The following MYBPC3 variants were observed in gnomAD, a reference collection of about 807,000 sequenced individuals.
MYBPC3 encodes the protein myosin-binding protein C, cardiac-type.
Under a neutral mutation model 159.3 loss-of-function variants are expected in MYBPC3, and 108 were observed. That is an observed-to-expected ratio of 0.68 (90% confidence interval 0.58 to 0.80). The LOEUF is 0.80. Among genes scored for constraint, MYBPC3 ranks in the 30% least tolerant of loss-of-function variants. The pLI is 0.00. For synonymous variants in MYBPC3, 730 were observed against 702.0 expected, an observed-to-expected ratio of 1.04 and a Z score of -0.63; for missense variants, 1,631 against 1,762.1, an observed-to-expected ratio of 0.93 and a Z score of 1.33.
chr11:47,340,490 C>T (rs1470148558), intron 20 of MYBPC3, among the ~76,000 whole-genome samples: 1 of 152,088 alleles, frequency 6.6e-6, no homozygotes, highest in Non-Finnish European at 1.5e-5. Flanking sequence ...TGGTGAAACC[C>T]CGTCTCTACT....
In MYBPC3 at chr11:47,339,358, G is replaced by A; in HGVS notation, c.2114C>T (p.Thr705Ile). Residue 705 changes from threonine (T) to isoleucine (I), a missense_variant, in exon 22 of 35, where the codon ACA becomes ATA. Physicochemically the swap from Thr to Ile is moderately conservative, Grantham distance 89. Transcript: ENST00000545968. ...ARPAPDAPED[T>I]GDSDEWVFDK... ...AAACACCCACTCATCGCTGTCACCTGTGTCCTCTGGGGCATCTGGGGCTGG... is the reference window on the plus strand; with the variant it reads ...AAACACCCACTCATCGCTGTCACCTATGTCCTCTGGGGCATCTGGGGCTGG... The A allele has an allele frequency of 3.1e-6, 5 of 1,614,070 alleles. No homozygotes were observed. The highest frequency in any genetic ancestry group is 4.2e-6 in the Non-Finnish European group (5 of 1,179,892).
intron 30 of MYBPC3, 28 bp from the exon 31 acceptor site, chr11:47,333,001 C>A (rs770692976): frequency 6.3e-7 from 1 of 1,598,026 alleles, no homozygotes; most frequent in Non-Finnish European, 8.5e-7. Context: ...GGGGAGGCAT[C>A]TCTGGGCCAG....
Position 47,332,855 on chromosome 11 carries a change from C to G in MYBPC3, c.3449G>C (p.Arg1150Thr), listed in dbSNP as rs746613719. The change falls in exon 31 of 35, where the codon AGA (arginine) becomes ACA (threonine). Residue 1150 changes from arginine to threonine, a missense_variant. Arg to Thr is a moderately conservative substitution (Grantham distance 71, BLOSUM62 -1). Transcript: ENST00000545968. This position sits in a 1 kb window ranked among gnomAD's most constrained non-coding sequence, Gnocchi z 4.2. ...GACGGGCTCCTTGGTGGTGGCCGCTCTGTCACTAAAGCCAACCATATTCTG... is the reference window on the plus strand; with the variant it reads ...GACGGGCTCCTTGGTGGTGGCCGCTGTGTCACTAAAGCCAACCATATTCTG... ...FSQNMVGFSD[R>T]AATTKEPVFI... is the part of the protein sequence containing the mutation. 1.2e-6 allele frequency: 2 copies of G among 1,607,468 alleles called. No homozygotes were observed. The highest frequency in any genetic ancestry group is 1.7e-6 in the Non-Finnish European group (2 of 1,177,138).
At position 47,337,722 on chromosome 11, in the gene MYBPC3, G is replaced by A. The variant is rs730880565; in HGVS notation, c.2381C>T (p.Pro794Leu). ...GGGCTGCCCGCCATCGTAGGCAGGC[G>A]GCTCCCACTGTACTGTGCAGGAGTC... ...GEDSCTVQWE[P>L]PAYDGGQPIL... is the part of the protein sequence containing the mutation. The change falls in exon 24 of 35, where the codon CCG becomes CTG. Residue 794 changes from proline to leucine, a missense_variant. By Grantham distance (98) the Pro-to-Leu change is moderately conservative. Coordinates refer to ENST00000545968, the MANE Select transcript of MYBPC3 (RefSeq NM_000256.3). 8.0e-5 allele frequency: 126 copies of A among 1,566,584 alleles called. 1 individual carries two copies. The South Asian group carries it at 9.6e-4, about 12-fold the overall frequency.
Position 47,351,189 on chromosome 11 carries a change from G to T in MYBPC3, c.292+50C>A. The T allele has an allele frequency of 3.5e-6, 5 of 1,449,088 alleles. No homozygotes were observed. Among genetic ancestry groups the T allele is most frequent in the Non-Finnish European group, 3.7e-6 (4 of 1,087,840 alleles). The allele number at this position is 1,449,088 out of a possible 1,614,324, so 89.8% of individuals were successfully genotyped here. A position where few individuals can be genotyped will look rare whatever the true frequency, so the allele number is the denominator to read the frequency against. On this transcript the variant is annotated intron_variant, in intron 2 of 34. Transcript: ENST00000545968. The surrounding 1 kb of genome is among the most constrained non-coding windows in gnomAD (Gnocchi z 4.2). ...TGGATGGATGGAGAGTCGCTGGGCT[G>T]CCCCTCCCCCAGCAGCCCAAACCTC... is the stretch of plus-strand genomic sequence containing the variant.
rs876657870 is a variant in MYBPC3, at chr11:47,337,537, A to G, written c.2456T>C (p.Met819Thr). 6.2e-6 allele frequency: 10 copies of G among 1,613,980 alleles called. No homozygotes were observed. Among genetic ancestry groups the G allele is most frequent in the Non-Finnish European group, 8.5e-6 (10 of 1,179,892 alleles). ...CTGAATCAGGTCGAAGTTCAGCCGC[A>G]TCCACCGGTAGCTCTTCTTCTTCTT... Reference protein sequence around the residue: ...ERKKKKSYRWMRLNFDLIQEL... With the variant: ...ERKKKKSYRWTRLNFDLIQEL... The change falls in exon 25 of 35, where the codon ATG becomes ACG. Residue 819 changes from methionine (M) to threonine (T), a missense_variant. Met to Thr is a moderately conservative substitution (Grantham distance 81, BLOSUM62 -1). Transcript: ENST00000545968.
chr11:47,332,962 G>C lies in MYBPC3; in HGVS notation c.3342C>G (p.Thr1114=). The C allele has an allele frequency of 6.2e-7, 1 of 1,609,920 alleles. No individual in the cohort carries two copies. Among genetic ancestry groups the C allele is most frequent in the South Asian group, 1.1e-5 (1 of 90,146 alleles). The part of the protein sequence containing the change: ...KADKKTMEWF[T]VLEHYRRTHC... ...GGGTGCGGCGGTAATGCTCCAAGAC[G>C]GTGAACCACTCCTGGGGGCAGGGAG... The change falls in exon 31 of 35, where the codon ACC becomes ACG. Residue 1114 remains threonine, a synonymous_variant. Coordinates refer to ENST00000545968, the MANE Select transcript of MYBPC3 (RefSeq NM_000256.3). The surrounding 1 kb of genome is among the most constrained non-coding windows in gnomAD (Gnocchi z 4.2).
chr11:47,348,930 A>ATATATATATATATATATAT (rs1291880008), intron 5 of MYBPC3, among the ~76,000 whole-genome samples: 49 of 133,566 alleles, frequency 3.7e-4, no homozygotes, highest in East Asian at 6.8e-4. Context: ...ATATATATTT[A>ATATATATATATATATATAT]AAGGAGGCTG....
intron 30 of MYBPC3, 58 bp from the exon 31 acceptor site, chr11:47,333,031 G>A: frequency 1.9e-6 from 3 of 1,561,872 alleles, no homozygotes; most frequent in Non-Finnish European, 2.6e-6. Context: ...GATGCCGAGA[G>A]CCTCTCCTGG....
chr11:47,348,444 T>C lies in MYBPC3; in HGVS notation c.752A>G (p.Asn251Ser), dbSNP rs368588523. Residue 251 changes from asparagine to serine, a missense_variant, in exon 6 of 35, where the codon AAC (asparagine) becomes AGC (serine). Asn to Ser is a conservative substitution (Grantham distance 46). Transcript: ENST00000545968. The part of the protein sequence containing the change: ...VSTKDKFDCS[N>S]FNLTVHEAMG... ...CTCACCGTGGACAGTGAGATTGAAG[T>C]TGGAGCAGTCAAATTTGTCCTTGGT... 3 of 1,612,656 alleles carry C rather than the reference T, an allele frequency of 1.9e-6. No individual in the cohort carries two copies. In the East Asian group the frequency reaches 6.7e-5, roughly 36 times the overall value.
chr11:47,338,514 C>T lies in MYBPC3; in HGVS notation c.2308+6G>A, dbSNP rs1471054360. On this transcript the variant is annotated splice_donor_region_variant and intron_variant, in intron 23 of 34. Transcript: ENST00000545968. This position sits in a 1 kb window ranked among gnomAD's most constrained non-coding sequence, Gnocchi z 4.7. ...GTTCTCCAGCTTGGACCCCGGCCGG[C>T]CTCACCGATGACCTTGACTGTGAGG... 1 of 1,614,012 alleles carries T rather than the reference C, an allele frequency of 6.2e-7. No homozygotes were observed. The highest frequency in any genetic ancestry group is 8.5e-7 in the Non-Finnish European group (1 of 1,179,894).
At chr11:47,348,977 GCTTTAGTTAACCCATA>G (rs1304874773) in intron 5 of MYBPC3, among the ~76,000 whole-genome samples, 1 of 137,744 alleles carries the variant, frequency 7.3e-6, no homozygotes. Flanking sequence ...GCACCCTCAG[GCTTTAGTTAACCCATA>G]CAGAGTTTTT....
In MYBPC3 at chr11:47,332,521, G is replaced by C; in HGVS notation, c.3627+45C>G. ...GACTGCTCAACGTCGGGGCCTGTGA[G>C]CCCTGCCTCCTGGTCGGCCTGGACC... On this transcript the variant is annotated intron_variant, in intron 32 of 34. Coordinates refer to ENST00000545968, the MANE Select transcript of MYBPC3 (RefSeq NM_000256.3). This position sits in a 1 kb window ranked among gnomAD's most constrained non-coding sequence, Gnocchi z 4.2. 6.3e-7 allele frequency: 1 copy of C among 1,583,014 alleles called. No homozygotes were observed. Among genetic ancestry groups the C allele is most frequent in the Non-Finnish European group, 8.6e-7 (1 of 1,161,816 alleles).
At chr11:47,347,075 G>GGA in intron 9 of MYBPC3, 46 bp from the exon 10 acceptor site, 1 of 880,718 alleles carries the variant, frequency 1.1e-6, no homozygotes, top group South Asian at 1.3e-5. Flanking sequence ...CGGGGGAGAG[G>GGA]GAGAGAGAGG....
At chr11:47,348,343 T>C in intron 6 of MYBPC3, 81 bp downstream of exon 6, 2 of 1,049,776 alleles carry the variant, frequency 1.9e-6, no homozygotes, top group South Asian at 2.9e-5. Flanking sequence ...CGAGGCATCC[T>C]CCTTAGTGTT....
In MYBPC3 at chr11:47,351,662, T is replaced by A; in HGVS notation, c.26-157A>T. Among the ~76,000 whole-genome samples, 1 of 152,194 alleles carries A rather than the reference T, an allele frequency of 6.6e-6. No individual in the cohort carries two copies. The highest frequency in any genetic ancestry group is 1.9e-4 in the East Asian group (1 of 5,198). ...GGTAGTTGCAGTTATTCTGTTCATT[T>A]CTCAGAGGAGGACACTGAGGCTCAG... On this transcript the variant is annotated intron_variant, in intron 1 of 34. Transcript: ENST00000545968. The surrounding 1 kb of genome is among the most constrained non-coding windows in gnomAD (Gnocchi z 4.2).
chr11:47,341,344 G>T, intron 18 of MYBPC3, 100 bp from the exon 19 acceptor site: 3 of 835,576 alleles, frequency 3.6e-6, no homozygotes, highest in Non-Finnish European at 5.5e-6. Context: ...ACCTTGTCCT[G>T]GCTTGTTGGT....
chr11:47,348,733 G>A (rs779391935), intron 5 of MYBPC3, among the ~76,000 whole-genome samples, 192 bp from the exon 6 acceptor site: 4 of 151,116 alleles, frequency 2.6e-5, no homozygotes, highest in South Asian at 2.1e-4. Flanking sequence ...GTGAAATTCC[G>A]TCTCTACTAA....
At position 47,346,647 on chromosome 11, in the gene MYBPC3, G is replaced by A; in HGVS notation, c.909-3C>T. ...CTCACCTCGGGGTCCGGAAACTGCT[G>A]CTCCAGGGGTGGGGGTGGGAGAAAG... On this transcript the variant is annotated splice_polypyrimidine_tract_variant and splice_region_variant and intron_variant, in intron 10 of 34. Transcript: ENST00000545968. This position sits in a 1 kb window ranked among gnomAD's most constrained non-coding sequence, Gnocchi z 5.3. 6.3e-7 allele frequency: 1 copy of A among 1,594,566 alleles called. No individual in the cohort carries two copies. The highest frequency in any genetic ancestry group is 8.5e-7 in the Non-Finnish European group (1 of 1,169,970).
Sources: allele counts gnomAD v4.1 joint callset (sites outside exome capture counted in the v4.1 genomes callset), GRCh38; gene constraint gnomAD v4.1.1; non-coding constraint Gnocchi (gnomAD v3.1); transcripts MANE v1.5; gene names NCBI Gene and HGNC (gene_info 2026-07-23, HGNC 2026-07-21).